SZRD1: variants seen among roughly 807,000 people sequenced by gnomAD.
SZRD1 encodes SUZ RNA binding domain containing 1.
In SZRD1, 7 loss-of-function variants were observed where a neutral mutation model predicts 17.6. The observed-to-expected ratio is 0.40, with a 90% CI of 0.23 to 0.75. SZRD1 has a LOEUF of 0.75. Ranked by LOEUF, SZRD1 falls within the 30% of genes least tolerant of loss-of-function variation. The pLI is 0.38. For synonymous variants in SZRD1, 77 were observed against 77.9 expected (o/e 0.99, Z 0.06); for missense variants, 178 against 201.8 (o/e 0.88, Z 0.71).
intron 3 of SZRD1, among the ~76,000 whole-genome samples, chr1:16,394,527 G>T (rs2100755066): frequency 6.6e-6 from 1 of 152,326 alleles, no homozygotes; most frequent in African/African-American, 2.4e-5. Context: ...GGATGCTGTA[G>T]CTGCTAGAGG....
At chr1:16,378,684 G>C (rs916651933) in intron 1 of SZRD1, among the ~76,000 whole-genome samples, 1 of 152,072 alleles carries the variant, frequency 6.6e-6, no homozygotes, top group Non-Finnish European at 1.5e-5. Context: ...GCACTGACCT[G>C]GCCTGAGGTG....
chr1:16,395,832 G>A lies in SZRD1; in HGVS notation c.*692G>A, dbSNP rs1347614437. On this transcript the variant is annotated 3_prime_UTR_variant, in exon 4 of 4. Transcript: ENST00000401088. ...CCGCCCAGAAAAGGGGCAGGGCTCT[G>A]CAGCCGCCAGGACAGACGAGCACCC... 1 of 154,140 alleles carries A rather than the reference G, an allele frequency of 6.5e-6. No homozygotes were observed. Among genetic ancestry groups the A allele is most frequent in the Non-Finnish European group, 1.4e-5 (1 of 69,084 alleles). 9.5% of individuals were successfully genotyped at this position (154,140 alleles called of 1,614,324 possible).
Position 16,391,440 on chromosome 1 carries a change from G to T in SZRD1, c.101+16G>T, listed in dbSNP as rs771805412. The T allele has an allele frequency of 5.8e-6, 9 of 1,546,628 alleles. No homozygotes were observed. The highest frequency in any genetic ancestry group is 7.0e-6 in the Non-Finnish European group (8 of 1,144,268). The stretch of plus-strand genomic sequence containing the variant: ...AAAAAGAGAGGTAAGGCTGCTGTCT[G>T]GTCTGAGGGCTCATGCTCTCTGTGG... On this transcript the variant is annotated intron_variant, in intron 2 of 3. Transcript: ENST00000401088. The surrounding 1 kb of genome is among the most constrained non-coding windows in gnomAD (Gnocchi z 4.3).
intron 1 of SZRD1, chr1:16,367,617 C>A (rs998981477): frequency 3.1e-5 from 14 of 453,522 alleles, no homozygotes; most frequent in Non-Finnish European, 3.2e-5. Flanking sequence ...CCGTGGGCCT[C>A]TGTGACTCTT....
rs956533758 is a variant in SZRD1, at chr1:16,393,391, G to A, written c.265G>A (p.Ala89Thr). Residue 89 changes from alanine (A) to threonine (T), a missense_variant, in exon 3 of 4, where the codon GCA becomes ACA. Coordinates refer to ENST00000401088, the MANE Select transcript of SZRD1 (RefSeq NM_001114600.3). The surrounding 1 kb of genome is among the most constrained non-coding windows in gnomAD (Gnocchi z 5.6). ...SRPTLPVKSL[A>T]QREAEYAEAR... ...GCCCACCCTTCCAGTCAAGTCCCTA[G>A]CACAGCGAGAGGCCGAGTACGCCGA... 6.2e-7 allele frequency: 1 copy of A among 1,614,064 alleles called. No individual in the cohort carries two copies. Among genetic ancestry groups the A allele is most frequent in the African/African-American group, 1.3e-5 (1 of 74,928 alleles).
intron 1 of SZRD1, chr1:16,369,539 C>T (rs1431130196): frequency 1.1e-5 from 8 of 750,054 alleles, no homozygotes; most frequent in East Asian, 2.5e-5. Flanking sequence ...ATGGCAGCAG[C>T]GGAGGCAGAA....
chr1:16,378,555 T>C (rs894480871), intron 1 of SZRD1, among the ~76,000 whole-genome samples: 4 of 152,016 alleles, frequency 2.6e-5, no homozygotes, highest in Non-Finnish European at 4.4e-5. Context: ...CGCAAAGTGT[T>C]GGGATTACAG....
At chr1:16,376,446 G>C (rs1034207108) in intron 1 of SZRD1, among the ~76,000 whole-genome samples, 3 of 152,164 alleles carry the variant, frequency 2.0e-5, no homozygotes, top group African/African-American at 7.2e-5. Context: ...TGAGATGCTG[G>C]TCGAAATCTT....
intron 1 of SZRD1, chr1:16,367,817 A>G (rs1189288735): frequency 6.5e-6 from 1 of 153,952 alleles, no homozygotes; most frequent in African/African-American, 2.4e-5. Context: ...ACTCTGCTAA[A>G]ATCCCCCACC....
chr1:16,374,142 A>C (rs1217960340), intron 1 of SZRD1, among the ~76,000 whole-genome samples: 1 of 152,218 alleles, frequency 6.6e-6, no homozygotes, highest in East Asian at 1.9e-4. Context: ...CTGTCCCTGC[A>C]GTAAAAAGAA....
At chr1:16,392,851 G>A (rs963904036) in intron 2 of SZRD1, among the ~76,000 whole-genome samples, 6 of 152,212 alleles carry the variant, frequency 3.9e-5, no homozygotes, top group African/African-American at 7.2e-5. Context: ...TCTGATCTGC[G>A]TAGAGAAGCT....
At chr1:16,387,396 G>T (rs1570035618) in intron 1 of SZRD1, 1 of 449,354 alleles carries the variant, frequency 2.2e-6, no homozygotes, top group East Asian at 7.0e-5. Flanking sequence ...TTCTCTCTCT[G>T]TCTTATTTGG....
chr1:16,372,820 CTA>C (rs931715352), intron 1 of SZRD1, among the ~76,000 whole-genome samples: 24 of 152,170 alleles, frequency 1.6e-4, no homozygotes, highest in African/African-American at 5.6e-4. Flanking sequence ...CATTAAATAA[CTA>C]TTGCATACCA....
chr1:16,370,881 G>T (rs2082902979), intron 1 of SZRD1, among the ~76,000 whole-genome samples: 1 of 152,152 alleles, frequency 6.6e-6, no homozygotes, highest in South Asian at 2.1e-4. Context: ...ATTTCACAAA[G>T]GTTCTTGTAA....
intron 1 of SZRD1, chr1:16,367,561 C>A (rs1217163486): frequency 1.6e-5 from 8 of 508,314 alleles, no homozygotes; most frequent in Non-Finnish European, 2.4e-5. Flanking sequence ...GCGCCCCACC[C>A]GCCACCCGGG....
chr1:16,386,672 T>A (rs2085129511), intron 1 of SZRD1, among the ~76,000 whole-genome samples: 1 of 152,076 alleles, frequency 6.6e-6, no homozygotes, highest in South Asian at 2.1e-4. Flanking sequence ...CATGCTGGCG[T>A]CCAGCTGGCC....
At chr1:16,375,152 A>G (rs1024820079) in intron 1 of SZRD1, among the ~76,000 whole-genome samples, 5 of 152,160 alleles carry the variant, frequency 3.3e-5, no homozygotes, top group African/African-American at 4.8e-5. Context: ...CTGGGATTAC[A>G]AGCGTGAGCC....
chr1:16,377,950 A>C (rs1008477816), intron 1 of SZRD1, among the ~76,000 whole-genome samples: 1 of 152,152 alleles, frequency 6.6e-6, no homozygotes, highest in African/African-American at 2.4e-5. Context: ...CCTGAGGACT[A>C]ATATACTCTC....
chr1:16,372,891 A>G (rs1440173406), intron 1 of SZRD1, among the ~76,000 whole-genome samples: 1 of 152,152 alleles, frequency 6.6e-6, no homozygotes, highest in East Asian at 1.9e-4. Flanking sequence ...CTTCAGGAAG[A>G]GGCATAAGTG....
Sources: gnomAD v4.1 joint callset for allele counts (sites outside exome capture counted in the v4.1 genomes callset) on GRCh38, gnomAD v4.1.1 for gene constraint, Gnocchi (gnomAD v3.1) non-coding constraint, MANE v1.5 for transcripts, NCBI Gene and HGNC (gene_info 2026-07-23, HGNC 2026-07-21) for gene names.